ZC3H14: variants seen among roughly 807,000 people sequenced by gnomAD.
ZC3H14 encodes the protein zinc finger CCCH-type containing 14, also known as zinc finger CCCH domain-containing protein 14.
A neutral mutation model predicts 92.4 loss-of-function variants in ZC3H14; 31 were observed. The ratio of observed to expected loss-of-function variants is 0.34; its 90% CI spans 0.25 to 0.45. ZC3H14 has a LOEUF of 0.45. ZC3H14 is among the 20% of genes least tolerant of loss of function. The pLI is 1.00. For missense variants in ZC3H14, 781 were observed against 897.3 expected (o/e 0.87, Z 1.66); for synonymous variants, 321 against 300.9 (o/e 1.07, Z -0.69).
Position 88,616,601 on chromosome 14 carries a change from T to C in ZC3H14, c.*4850T>C. The stretch of plus-strand genomic sequence containing the variant: ...AGCTTTTATTTCAAAGTAAATAGAT[T>C]TAGAAAGTTTGGGGAAAAATTTAGA... On this transcript the variant is annotated 3_prime_UTR_variant, in exon 17 of 17. Coordinates refer to ENST00000251038, the MANE Select transcript of ZC3H14 (RefSeq NM_024824.5). 1 of 970,252 alleles carries C rather than the reference T, an allele frequency of 1.0e-6. No individual in the cohort carries two copies. The highest frequency in any genetic ancestry group is 2.0e-5 in the South Asian group (1 of 48,866). 60.1% of individuals were successfully genotyped at this position (970,252 alleles called of 1,614,324 possible). A position where few individuals can be genotyped will look rare whatever the true frequency, so the allele number is the denominator to read the frequency against.
At chr14:88,587,942 A>G (rs2082650218) in intron 9 of ZC3H14, among the ~76,000 whole-genome samples, 1 of 152,168 alleles carries the variant, frequency 6.6e-6, no homozygotes, top group South Asian at 2.1e-4. Flanking sequence ...AAAAATAAAA[A>G]AAAAATTTTA....
At position 88,618,479 on chromosome 14, in the gene ZC3H14, G is replaced by A. The variant is rs769393667; in HGVS notation, c.*6728G>A. The A allele has an allele frequency of 3.1e-4, 339 of 1,080,570 alleles. No individual in the cohort carries two copies. The highest frequency in any genetic ancestry group is 4.4e-4 in the Non-Finnish European group (332 of 753,158). The allele number at this position is 1,080,570 out of a possible 1,614,324, so 66.9% of individuals were successfully genotyped here. ...AAAGATCACTACAAAAACTTAATAG[G>A]AGAAAAGCTCTGATAAGTGGGGGAG... On this transcript the variant is annotated 3_prime_UTR_variant, in exon 17 of 17. Transcript: ENST00000251038.
At chr14:88,571,024 A>G in intron 3 of ZC3H14, 60 bp from the exon 4 acceptor site, 1 of 1,320,092 alleles carries the variant, frequency 7.6e-7, no homozygotes, top group Non-Finnish European at 1.0e-6. Flanking sequence ...TTAGAGTGAC[A>G]GTTGAAATGA....
At chr14:88,601,308 G>A (rs1467876390) in intron 10 of ZC3H14, among the ~76,000 whole-genome samples, 1 of 152,176 alleles carries the variant, frequency 6.6e-6, no homozygotes, top group Non-Finnish European at 1.5e-5. Context: ...GCCATTCTGG[G>A]TTGTAGGTCT....
rs778188724 is a variant in ZC3H14, at chr14:88,621,316, G to A, written c.*9565G>A. 2 of 1,613,504 alleles carry A rather than the reference G, an allele frequency of 1.2e-6. No homozygotes were observed. The highest frequency in any genetic ancestry group is 1.7e-6 in the Non-Finnish European group (2 of 1,179,694). Reference sequence around the variant, plus strand: ...AGGATCTTGCCCTGAAACACAAGCAGGACCAATACAGTGAATGTAATACAA... The same window carrying A: ...AGGATCTTGCCCTGAAACACAAGCAAGACCAATACAGTGAATGTAATACAA... On this transcript the variant is annotated 3_prime_UTR_variant, in exon 17 of 17. Coordinates refer to ENST00000251038, the MANE Select transcript of ZC3H14 (RefSeq NM_024824.5).
chr14:88,575,806 AG>A (rs763165446), intron 7 of ZC3H14, 33 bp from the exon 8 acceptor site: 6 of 1,566,584 alleles, frequency 3.8e-6, no homozygotes. Context: ...TGAAATTTAA[AG>A]TTTAATAAAA....
In ZC3H14 at chr14:88,624,994, A is replaced by G; in HGVS notation, c.*13243A>G. On this transcript the variant is annotated 3_prime_UTR_variant, in exon 17 of 17. Transcript: ENST00000251038. ...CGGCCTTTCCTTTCCCCCAGTCACG[A>G]TAAGTCCATCTCGCAGGGTGGTGTA... 2.5e-6 allele frequency: 4 copies of G among 1,613,672 alleles called. No homozygotes were observed. The highest frequency in any genetic ancestry group is 2.5e-6 in the Non-Finnish European group (3 of 1,179,680).
intron 9 of ZC3H14, among the ~76,000 whole-genome samples, chr14:88,586,944 A>G (rs1246031785): frequency 6.6e-6 from 1 of 152,134 alleles, no homozygotes; most frequent in Non-Finnish European, 1.5e-5. Flanking sequence ...TATGCTTTAT[A>G]CTGTTTCTTC....
intron 9 of ZC3H14, chr14:88,591,903 C>T (rs1056595482): frequency 1.3e-5 from 2 of 152,116 alleles, no homozygotes; most frequent in Admixed American, 6.5e-5. Flanking sequence ...AGGTGCAGAC[C>T]CTGCAGTTTA....
In ZC3H14 at chr14:88,621,735, T is replaced by C. The variant is rs1436822777; in HGVS notation, c.*9984T>C. 3 of 347,750 alleles carry C rather than the reference T, an allele frequency of 8.6e-6. No homozygotes were observed. The highest frequency in any genetic ancestry group is 1.7e-5 in the Non-Finnish European group (3 of 175,416). The allele number at this position is 347,750 out of a possible 1,614,324, so 21.5% of individuals were successfully genotyped here. Reference sequence around the variant, plus strand: ...ATGATTTATAAATACACTTAATAAGTACAAACACGCTCAAAAATTTTCATA... The same window carrying C: ...ATGATTTATAAATACACTTAATAAGCACAAACACGCTCAAAAATTTTCATA... On this transcript the variant is annotated 3_prime_UTR_variant, in exon 17 of 17. Coordinates refer to ENST00000251038, the MANE Select transcript of ZC3H14 (RefSeq NM_024824.5).
chr14:88,606,829 T>A (rs1222741288), intron 12 of ZC3H14, among the ~76,000 whole-genome samples: 3 of 152,090 alleles, frequency 2.0e-5, no homozygotes, highest in East Asian at 1.9e-4. Flanking sequence ...GGGAATCCTT[T>A]TGTATTTGGG....
intron 6 of ZC3H14, chr14:88,574,485 C>T (rs771176224): frequency 6.4e-5 from 34 of 527,816 alleles, no homozygotes; most frequent in East Asian, 3.0e-4. Flanking sequence ...CCTTGTGATC[C>T]GCCCACTTCG....
Position 88,563,097 on chromosome 14 carries a change from C to T in ZC3H14, c.-37C>T, listed in dbSNP as rs1254699925. On this transcript the variant is annotated 5_prime_UTR_variant, in exon 1 of 17. Coordinates refer to ENST00000251038, the MANE Select transcript of ZC3H14 (RefSeq NM_024824.5). ...CGCGGCAGCCTCCGGGTAAGCCAAG[C>T]GCCGCGCAGTGCTGAGTTCCCGCAC... 3 of 1,568,548 alleles carry T rather than the reference C, an allele frequency of 1.9e-6. No individual in the cohort carries two copies. The highest frequency in any genetic ancestry group is 2.6e-6 in the Non-Finnish European group (3 of 1,163,526).
At chr14:88,578,334 G>T (rs564242265) in intron 9 of ZC3H14, among the ~76,000 whole-genome samples, 194 bp downstream of exon 9, 1 of 152,212 alleles carries the variant, frequency 6.6e-6, no homozygotes, top group South Asian at 2.1e-4. Flanking sequence ...AAGAGGTAGG[G>T]TCTTGCTGTG....
In ZC3H14 at chr14:88,616,776, C is replaced by G. The variant is rs1258676521; in HGVS notation, c.*5025C>G. The G allele has an allele frequency of 6.2e-7, 1 of 1,613,928 alleles. No individual in the cohort carries two copies. The highest frequency in any genetic ancestry group is 2.2e-5 in the East Asian group (1 of 44,870). On this transcript the variant is annotated 3_prime_UTR_variant, in exon 17 of 17. Coordinates refer to ENST00000251038, the MANE Select transcript of ZC3H14 (RefSeq NM_024824.5). ...AATAACTTAACCATGCCAAAGTCAT[C>G]TCCTGTAACAAGACTGATTCCTGAA... is the stretch of plus-strand genomic sequence containing the variant.
At chr14:88,576,654 G>A (rs2081195196) in intron 8 of ZC3H14, among the ~76,000 whole-genome samples, 1 of 152,186 alleles carries the variant, frequency 6.6e-6, no homozygotes, top group East Asian at 1.9e-4. Flanking sequence ...TGATGGTAAT[G>A]AGCTACTCTA....
chr14:88,578,109 A>G lies in ZC3H14; in HGVS notation c.1248A>G (p.Glu416=). Residue 416 remains glutamate (E), a synonymous_variant, in exon 9 of 17, where the codon GAA becomes GAG. Transcript: ENST00000251038. ...PRISPPIKEE[E]TKGDSVEKNQ... ...TAAGTCCCCCCATTAAAGAAGAGGA[A>G]ACAAAAGGAGATTCTGTAGAAAAAA... The G allele has an allele frequency of 6.2e-7, 1 of 1,614,128 alleles. No individual in the cohort carries two copies. Among genetic ancestry groups the G allele is most frequent in the Non-Finnish European group, 8.5e-7 (1 of 1,180,004 alleles).
intron 9 of ZC3H14, among the ~76,000 whole-genome samples, chr14:88,596,322 T>C (rs572457757): frequency 6.6e-6 from 1 of 152,296 alleles, no homozygotes; most frequent in South Asian, 2.1e-4. Context: ...TCAAAGGTCA[T>C]GAGTGAGTCG....
intron 14 of ZC3H14, 80 bp from the exon 15 acceptor site, chr14:88,609,632 C>CA (rs771442949): frequency 4.7e-5 from 73 of 1,537,386 alleles, no homozygotes; most frequent in Admixed American, 6.8e-5. Flanking sequence ...TTTTCACTTT[C>CA]AAAAAAAACA....
Sources: gnomAD v4.1 joint callset for allele counts (sites outside exome capture counted in the v4.1 genomes callset) on GRCh38, gnomAD v4.1.1 for gene constraint, MANE v1.5 for transcripts, NCBI Gene and HGNC (gene_info 2026-07-23, HGNC 2026-07-21) for gene names.